The following ZNF618 variants were observed in gnomAD, a reference collection of about 807,000 sequenced individuals.
ZNF618 encodes the protein zinc finger protein 618.
Under a neutral mutation model 103.0 loss-of-function variants are expected in ZNF618, and 34 were observed. The observed-to-expected ratio is 0.33, with a 90% CI of 0.25 to 0.44. The LOEUF is 0.44. Among genes scored for constraint, ZNF618 ranks in the 20% least tolerant of loss-of-function variants. ZNF618 has a pLI of 1.00. For missense variants in ZNF618, 1,059 were observed against 1,295.4 expected (o/e 0.82, Z 2.80); for synonymous variants, 551 against 542.2 (o/e 1.02, Z -0.23).
At chr9:114,029,634 TAAA>T (rs112269873) in intron 11 of ZNF618, among the ~76,000 whole-genome samples, 4 of 149,418 alleles carry the variant, frequency 2.7e-5, no homozygotes, top group Non-Finnish European at 4.5e-5. Flanking sequence ...AAACTTAATT[TAAA>T]AAAAAAAGTC....
At chr9:113,967,682 A>G (rs1282653116) in intron 1 of ZNF618, among the ~76,000 whole-genome samples, 1 of 152,008 alleles carries the variant, frequency 6.6e-6, no homozygotes, top group Non-Finnish European at 1.5e-5. Flanking sequence ...AGGGGGGAGG[A>G]CCTATGGTGA....
intron 9 of ZNF618, among the ~76,000 whole-genome samples, chr9:114,009,050 A>T: frequency 6.6e-6 from 1 of 152,214 alleles, no homozygotes; most frequent in East Asian, 1.9e-4. Flanking sequence ...TCTCTGTCCC[A>T]GGACACCCCT....
chr9:114,013,246 T>C (rs929327549), intron 9 of ZNF618, among the ~76,000 whole-genome samples: 11 of 152,210 alleles, frequency 7.2e-5, no homozygotes. Flanking sequence ...TTTGAAGATA[T>C]ACTCTGATGA....
Position 113,969,154 on chromosome 9 carries a change from C to T in ZNF618, c.71C>T (p.Ala24Val), listed in dbSNP as rs143368881. 41 of 1,613,926 alleles carry T rather than the reference C, an allele frequency of 2.5e-5. No homozygotes were observed. Among genetic ancestry groups the T allele is most frequent in the South Asian group, 4.4e-5 (4 of 91,062 alleles). Reference protein sequence around the residue: ...GASAAGRKSTASRERLKRSQK... With the variant: ...GASAAGRKSTVSRERLKRSQK... ...AGTGCAGCCGGAAGGAAAAGCACTG[C>T]GAGCAGGTACACTCCCTCTCCCGCC... The change falls in exon 2 of 15, where the codon GCG becomes GTG. Residue 24 changes from alanine (A) to valine (V), a missense_variant. Around this residue, in one of 6 missense-constraint regions of ZNF618, gnomAD observed 194 missense variants for 209.0 expected, o/e 0.93. Coordinates refer to ENST00000374126, the MANE Select transcript of ZNF618 (RefSeq NM_001318042.2).
intron 10 of ZNF618, among the ~76,000 whole-genome samples, chr9:114,018,396 C>A (rs1842811940): frequency 6.6e-6 from 1 of 152,248 alleles, no homozygotes; most frequent in South Asian, 2.1e-4. Flanking sequence ...CAGCAACTGC[C>A]CTGCTCCCTG....
intron 2 of ZNF618, among the ~76,000 whole-genome samples, chr9:113,986,813 T>G (rs888720533): frequency 3.3e-5 from 5 of 152,166 alleles, no homozygotes; most frequent in African/African-American, 1.2e-4. Context: ...TTGCTCAGTT[T>G]CCCAACCTTT....
chr9:113,951,559 G>A (rs373457315), intron 1 of ZNF618, among the ~76,000 whole-genome samples: 562 of 35,982 alleles, frequency 0.016, 14 homozygotes, highest in Admixed American at 0.018. Context: ...ATATGTGTGT[G>A]TATATGTGTG....
At chr9:113,990,645 GGA>G (rs1367390404) in intron 3 of ZNF618, among the ~76,000 whole-genome samples, 1 of 152,206 alleles carries the variant, frequency 6.6e-6, no homozygotes, top group African/African-American at 2.4e-5. Flanking sequence ...AGCACGCTGT[GGA>G]GAGACTTACG....
At chr9:113,937,472 A>G (rs1164192810) in intron 1 of ZNF618, among the ~76,000 whole-genome samples, 2 of 152,210 alleles carry the variant, frequency 1.3e-5, no homozygotes, top group African/African-American at 4.8e-5. Context: ...GTATATTCCT[A>G]TGTTTTTTAT....
At chr9:114,036,499 A>G in intron 13 of ZNF618, 122 bp downstream of exon 13, 1 of 1,020,134 alleles carries the variant, frequency 9.8e-7, no homozygotes, top group Non-Finnish European at 1.5e-6. Flanking sequence ...TGGTCACAGG[A>G]CATGGAACCT....
At chr9:113,912,806 C>G (rs1192302216) in intron 1 of ZNF618, among the ~76,000 whole-genome samples, 2 of 152,138 alleles carry the variant, frequency 1.3e-5, no homozygotes, top group Non-Finnish European at 2.9e-5. Flanking sequence ...TCCCACCCCC[C>G]TTGGCCTCAT....
chr9:113,972,362 TTAATG>T (rs1838052217), intron 2 of ZNF618, among the ~76,000 whole-genome samples: 1 of 152,206 alleles, frequency 6.6e-6, no homozygotes, highest in African/African-American at 2.4e-5. Context: ...ATTTATTAAT[TTAATG>T]TAATCTTTTT....
chr9:114,033,096 G>A lies in ZNF618; in HGVS notation c.1168+368G>A, dbSNP rs552876100. Among the ~76,000 whole-genome samples, 3 of 152,316 alleles carry A rather than the reference G, an allele frequency of 2.0e-5. No individual in the cohort carries two copies. In the East Asian group the frequency reaches 5.8e-4, roughly 29 times the overall value. On this transcript the variant is annotated intron_variant, in intron 12 of 14. Coordinates refer to ENST00000374126, the MANE Select transcript of ZNF618 (RefSeq NM_001318042.2). ...CTCAGCCAGTTTCTTTACAGGAGAA[G>A]CAAAGGAAGTGCAGTTGAGAGAGCT...
At chr9:113,959,775 T>G (rs1473861783) in intron 1 of ZNF618, among the ~76,000 whole-genome samples, 6 of 152,182 alleles carry the variant, frequency 3.9e-5, no homozygotes, top group Admixed American at 3.9e-4. Flanking sequence ...GCCTGGCTAA[T>G]TTTTTGTATT....
At chr9:113,905,077 A>AT (rs60821219) in intron 1 of ZNF618, among the ~76,000 whole-genome samples, 23,651 of 150,192 alleles carry the variant, frequency 0.16, 2,650 homozygotes, top group East Asian at 0.3. Flanking sequence ...AAACCGTTTG[A>AT]TTTTTTTTTT....
chr9:113,928,901 T>G (rs1833330856), intron 1 of ZNF618, among the ~76,000 whole-genome samples: 1 of 152,156 alleles, frequency 6.6e-6, no homozygotes, highest in Admixed American at 6.5e-5. Flanking sequence ...TCCCTTTATG[T>G]GAGATAGGAA....
intron 1 of ZNF618, among the ~76,000 whole-genome samples, chr9:113,941,580 G>C (rs199690592): frequency 6.6e-6 from 1 of 152,086 alleles, no homozygotes; most frequent in East Asian, 1.9e-4. Context: ...TTGAATTCTA[G>C]ATCCAGAGTC....
chr9:113,956,722 G>T (rs1836339951), intron 1 of ZNF618, among the ~76,000 whole-genome samples: 1 of 152,226 alleles, frequency 6.6e-6, no homozygotes. Flanking sequence ...AGGCTTCCTA[G>T]AGGTGGTTAG....
In ZNF618 at chr9:114,016,808, A is replaced by ATGGGGGT. The variant is rs2133953103; in HGVS notation, c.844+31_844+37dup. 3 of 1,594,200 alleles carry ATGGGGGT rather than the reference A, an allele frequency of 1.9e-6. No individual in the cohort carries two copies. In the East Asian group the frequency reaches 6.7e-5, roughly 36 times the overall value. On this transcript the variant is annotated intron_variant, in intron 10 of 14. Coordinates refer to ENST00000374126, the MANE Select transcript of ZNF618 (RefSeq NM_001318042.2). ...CAGTGAGTACCTCCTCCCGGTAGGGATGGGGGTTGGGGGACCCGGGACAGG... is the reference window on the plus strand; with the variant it reads ...CAGTGAGTACCTCCTCCCGGTAGGGATGGGGGTTGGGGGTTGGGGGACCCGGGACAGG...
Sources: gnomAD v4.1 joint callset for allele counts (sites outside exome capture counted in the v4.1 genomes callset) on GRCh38, gnomAD v4.1.1 for gene constraint, gnomAD v4.1.1 regional missense constraint, MANE v1.5 for transcripts, NCBI Gene and HGNC (gene_info 2026-07-23, HGNC 2026-07-21) for gene names.